Variants in PRKCA observed in about 807,000 individuals in gnomAD.
PRKCA encodes protein kinase C alpha type.
PRKCA carries 27 observed loss-of-function variants against 87.0 expected under a neutral mutation model. The ratio of observed to expected loss-of-function variants is 0.31; its 90% CI spans 0.23 to 0.43. The LOEUF (loss-of-function observed/expected upper bound fraction) is 0.43. Ranked by LOEUF, PRKCA falls within the 20% of genes least tolerant of loss-of-function variation. The probability of loss-of-function intolerance (pLI) is 1.00; values close to 1 mark genes in which losing one functional copy is unlikely to be tolerated. For synonymous variants in PRKCA, 329 were observed against 311.1 expected (o/e 1.06, Z -0.61); for missense variants, 518 against 852.3 (o/e 0.61, Z 4.88).
intron 3 of PRKCA, among the ~76,000 whole-genome samples, chr17:66,594,391 G>A (rs1315238989): frequency 1.3e-5 from 2 of 152,144 alleles, no homozygotes; most frequent in African/African-American, 4.8e-5. Context: ...ATGCTCAACA[G>A]AACGAACAAA....
intron 2 of PRKCA, among the ~76,000 whole-genome samples, chr17:66,357,661 C>A (rs781599208): frequency 6.6e-6 from 1 of 152,114 alleles, no homozygotes; most frequent in East Asian, 1.9e-4. Flanking sequence ...AGAAATAATA[C>A]TACCTTTCTC....
chr17:66,325,260 G>C (rs1905907917), intron 2 of PRKCA, among the ~76,000 whole-genome samples: 1 of 152,124 alleles, frequency 6.6e-6, no homozygotes, highest in South Asian at 2.1e-4. Context: ...TTTATCCCTT[G>C]ATGTTATTTT....
intron 2 of PRKCA, among the ~76,000 whole-genome samples, chr17:66,374,604 G>C (rs1909311831): frequency 6.6e-6 from 1 of 151,864 alleles, no homozygotes; most frequent in South Asian, 2.1e-4. Flanking sequence ...GTTCGACACT[G>C]TTAAAGGGAG....
intron 3 of PRKCA, among the ~76,000 whole-genome samples, chr17:66,628,486 CCTCT>C (rs1198557039): frequency 3.3e-5 from 5 of 151,960 alleles, no homozygotes; most frequent in Admixed American, 2.0e-4. Flanking sequence ...TACCTATCAG[CCTCT>C]CTCTCTTTTT....
chr17:66,597,886 A>G (rs1337365044), intron 3 of PRKCA, among the ~76,000 whole-genome samples: 51 of 72,698 alleles, frequency 7.0e-4, no homozygotes, highest in South Asian at 1.1e-3. Flanking sequence ...AAGATCAGAT[A>G]GTTGTAGATA....
intron 3 of PRKCA, among the ~76,000 whole-genome samples, chr17:66,546,468 T>A (rs1269775866): frequency 6.6e-6 from 1 of 152,202 alleles, no homozygotes; most frequent in Non-Finnish European, 1.5e-5. Flanking sequence ...TTGGCAAGAA[T>A]CTTTCCTTGC....
At chr17:66,303,372 CAG>C (rs377762629) in intron 1 of PRKCA, among the ~76,000 whole-genome samples, 76 of 152,276 alleles carry the variant, frequency 5.0e-4, no homozygotes, top group African/African-American at 1.7e-3. Context: ...GCCCAGGGGA[CAG>C]GGGAGGAGGA....
chr17:66,425,067 A>C (rs1912723773), intron 2 of PRKCA, among the ~76,000 whole-genome samples: 2 of 151,972 alleles, frequency 1.3e-5, no homozygotes, highest in South Asian at 4.1e-4. Context: ...CAGCCTGTAT[A>C]CTGTTGCTAT....
rs867946392 is a variant in PRKCA, at chr17:66,458,545, C to G, written c.206-37656C>G. Among the ~76,000 whole-genome samples the G allele has an allele frequency of 5.9e-5, 9 of 151,780 alleles. No homozygotes were observed. The South Asian group carries it at 1.0e-3, about 18-fold the overall frequency. On this transcript the variant is annotated intron_variant, in intron 2 of 16. Coordinates refer to ENST00000413366, the MANE Select transcript of PRKCA (RefSeq NM_002737.3). ...GCCCAGGCTGGAGTGTAGTGGTGCA[C>G]TCTCAGCTCACTACAACCTCCACTT...
chr17:66,615,696 GT>G (rs1228657982), intron 3 of PRKCA, among the ~76,000 whole-genome samples: 1 of 152,186 alleles, frequency 6.6e-6, no homozygotes, highest in African/African-American at 2.4e-5. Flanking sequence ...CCCACAGATA[GT>G]AACTGTTGAA....
At chr17:66,617,816 G>A (rs1357048482) in intron 3 of PRKCA, among the ~76,000 whole-genome samples, 7 of 152,078 alleles carry the variant, frequency 4.6e-5, no homozygotes, top group African/African-American at 9.7e-5. Context: ...TAGGAACTAC[G>A]AACTTCTTAT....
chr17:66,804,304 T>C lies in PRKCA; in HGVS notation c.*267T>C. On this transcript the variant is annotated 3_prime_UTR_variant, in exon 17 of 17. Coordinates refer to ENST00000413366, the MANE Select transcript of PRKCA (RefSeq NM_002737.3). Reference sequence around the variant, plus strand: ...GTTACGTCTGGCTCTAGGTTAACCCTTCCTAGAAAGCAAGCAGACTGTTGC... The same window carrying C: ...GTTACGTCTGGCTCTAGGTTAACCCCTCCTAGAAAGCAAGCAGACTGTTGC... The C allele has an allele frequency of 5.9e-6, 2 of 340,002 alleles. No individual in the cohort carries two copies. Among genetic ancestry groups the C allele is most frequent in the Non-Finnish European group, 1.1e-5 (2 of 190,204 alleles). The allele number at this position is 340,002 out of a possible 1,614,324, so 21.1% of individuals were successfully genotyped here. A position where few individuals can be genotyped will look rare whatever the true frequency, so the allele number is the denominator to read the frequency against.
At chr17:66,521,045 G>A (rs1967143035) in intron 3 of PRKCA, among the ~76,000 whole-genome samples, 1 of 152,094 alleles carries the variant, frequency 6.6e-6, no homozygotes, top group Non-Finnish European at 1.5e-5. Flanking sequence ...GTGGCTTGTG[G>A]CAGCCTCAGG....
chr17:66,488,091 A>G (rs557323868), intron 2 of PRKCA, among the ~76,000 whole-genome samples: 71 of 152,254 alleles, frequency 4.7e-4, no homozygotes, highest in Non-Finnish European at 6.8e-4. Context: ...TTGAGCTCGT[A>G]TAATACTCAG....
At chr17:66,661,997 G>A (rs9907956) in intron 5 of PRKCA, among the ~76,000 whole-genome samples, 2,933 of 152,314 alleles carry the variant, frequency 0.019, 93 homozygotes, top group African/African-American at 0.066. Flanking sequence ...TTCCTACTGC[G>A]AGAATAAACA....
In PRKCA at chr17:66,745,917, C is replaced by T. The variant is rs548103967; in HGVS notation, c.1524+3157C>T. Among the ~76,000 whole-genome samples the T allele has an allele frequency of 8.3e-4, 126 of 152,192 alleles. 1 individual carries two copies. The highest frequency in any genetic ancestry group is 2.9e-3 in the African/African-American group (121 of 41,542). The stretch of plus-strand genomic sequence containing the variant: ...AACTGCTCGAAACTTGAGCGACTCA[C>T]GTATCCAGACAGCACTCTGCGTGCT... On this transcript the variant is annotated intron_variant, in intron 13 of 16. Coordinates refer to ENST00000413366, the MANE Select transcript of PRKCA (RefSeq NM_002737.3).
intron 2 of PRKCA, among the ~76,000 whole-genome samples, chr17:66,426,437 G>T (rs1912812339): frequency 6.6e-6 from 1 of 152,228 alleles, no homozygotes; most frequent in Admixed American, 6.5e-5. Flanking sequence ...AAGATTTCAG[G>T]TTGTGTCAAT....
chr17:66,765,430 A>ATCTATATATC (rs1568020939), intron 13 of PRKCA, among the ~76,000 whole-genome samples: 1 of 130,880 alleles, frequency 7.6e-6, no homozygotes, highest in Non-Finnish European at 1.6e-5. Context: ...ATATATATAT[A>ATCTATATATC]TATATATATA....
chr17:66,784,300 C>T (rs1424556227), intron 14 of PRKCA, among the ~76,000 whole-genome samples: 2 of 152,094 alleles, frequency 1.3e-5, no homozygotes, highest in Non-Finnish European at 2.9e-5. Context: ...GGCTAGAGTG[C>T]AGCAGCGCAA....
Sources: gnomAD v4.1 joint callset for allele counts (sites outside exome capture counted in the v4.1 genomes callset) on GRCh38, gnomAD v4.1.1 for gene constraint, MANE v1.5 for transcripts, NCBI Gene and HGNC (gene_info 2026-07-23, HGNC 2026-07-21) for gene names.